Variants in BICC1 observed in about 807,000 individuals in gnomAD.
The protein encoded by BICC1 is BicC family RNA binding protein 1, also known as protein bicaudal C homolog 1.
BICC1 carries 43 observed loss-of-function variants against 111.0 expected under a neutral mutation model. The observed-to-expected ratio is 0.39, with a 90% CI of 0.30 to 0.50. The LOEUF (loss-of-function observed/expected upper bound fraction) is 0.50, where lower values mean the gene tolerates loss of function less well. Among genes scored for constraint, BICC1 ranks in the 20% least tolerant of loss-of-function variants. The pLI, the probability that BICC1 is intolerant of heterozygous loss-of-function variation, is 0.88. For missense variants in BICC1, 1,091 were observed against 1,203.2 expected, an observed-to-expected ratio of 0.91 and a Z score of 1.38; for synonymous variants, 467 against 434.4, an observed-to-expected ratio of 1.07 and a Z score of -0.93.
intron 1 of BICC1, among the ~76,000 whole-genome samples, chr10:58,524,146 A>C (rs7393810): frequency 6.6e-6 from 1 of 151,816 alleles, no homozygotes; most frequent in Non-Finnish European, 1.5e-5. Flanking sequence ...TATAGATTCA[A>C]TGCCATCCCC....
intron 2 of BICC1, among the ~76,000 whole-genome samples, chr10:58,696,987 A>T (rs1000837686): frequency 1.3e-5 from 2 of 152,112 alleles, no homozygotes; most frequent in Non-Finnish European, 2.9e-5. Context: ...ATAACTTGGC[A>T]TTCTCTAATT....
At chr10:58,606,279 A>G (rs1425687698) in intron 1 of BICC1, among the ~76,000 whole-genome samples, 1 of 152,092 alleles carries the variant, frequency 6.6e-6, no homozygotes, top group Non-Finnish European at 1.5e-5. Context: ...CCCTACTAAT[A>G]TATGGAATCC....
intron 2 of BICC1, among the ~76,000 whole-genome samples, chr10:58,684,722 T>A (rs1839656204): frequency 6.6e-6 from 1 of 152,198 alleles, no homozygotes; most frequent in African/African-American, 2.4e-5. Flanking sequence ...GGTGGTGATA[T>A]CCCCTTTATC....
At chr10:58,606,819 C>T (rs1460517670) in intron 1 of BICC1, among the ~76,000 whole-genome samples, 3 of 152,138 alleles carry the variant, frequency 2.0e-5, no homozygotes, top group South Asian at 2.1e-4. Context: ...TGGTTCTGGA[C>T]ATTTTCTAGT....
At chr10:58,664,175 C>G (rs564617237) in intron 2 of BICC1, among the ~76,000 whole-genome samples, 8 of 152,256 alleles carry the variant, frequency 5.3e-5, no homozygotes, top group Admixed American at 1.3e-4. Context: ...TTCAAATTCC[C>G]ACCAGCAATA....
chr10:58,540,012 A>G (rs1342897067), intron 1 of BICC1, among the ~76,000 whole-genome samples: 1 of 152,028 alleles, frequency 6.6e-6, no homozygotes, highest in African/African-American at 2.4e-5. Flanking sequence ...ATTAAACAAC[A>G]CACTCTTGAA....
chr10:58,770,514 TTA>T, intron 3 of BICC1, among the ~76,000 whole-genome samples: 1 of 152,248 alleles, frequency 6.6e-6, no homozygotes, highest in African/African-American at 2.4e-5. Flanking sequence ...AGAATAAGAA[TTA>T]TATGTTTGGA....
At chr10:58,789,114 A>G in intron 6 of BICC1, 148 bp from the exon 7 acceptor site, 1 of 633,946 alleles carries the variant, frequency 1.6e-6, no homozygotes, top group Non-Finnish European at 2.5e-6. Flanking sequence ...GAAAAAAAAA[A>G]ACTTTATATA....
intron 17 of BICC1, among the ~76,000 whole-genome samples, 153 bp downstream of exon 17, chr10:58,807,311 A>T (rs538415732): frequency 1.3e-5 from 2 of 152,244 alleles, no homozygotes; most frequent in South Asian, 4.2e-4. Flanking sequence ...CTGTTATAAA[A>T]CTGATGCACT....
At chr10:58,574,434 A>G (rs747057610) in intron 1 of BICC1, among the ~76,000 whole-genome samples, 1 of 152,154 alleles carries the variant, frequency 6.6e-6, no homozygotes, top group Non-Finnish European at 1.5e-5. Context: ...TACCAAATGC[A>G]GTGTGATAAA....
chr10:58,606,696 G>A (rs1354512711), intron 1 of BICC1, among the ~76,000 whole-genome samples: 1 of 152,038 alleles, frequency 6.6e-6, no homozygotes, highest in Non-Finnish European at 1.5e-5. Context: ...CTCTCTGGAA[G>A]GTTTTAAGAT....
intron 1 of BICC1, among the ~76,000 whole-genome samples, chr10:58,546,295 A>G (rs1208609479): frequency 2.0e-5 from 3 of 152,052 alleles, no homozygotes; most frequent in East Asian, 3.9e-4. Flanking sequence ...GGCAAACTAG[A>G]CAGATAGCTA....
chr10:58,694,755 C>T (rs1054793676), intron 2 of BICC1, among the ~76,000 whole-genome samples: 7 of 152,054 alleles, frequency 4.6e-5, no homozygotes, highest in African/African-American at 1.7e-4. Flanking sequence ...GTTTGGGAAC[C>T]ATTTGGGGGC....
intron 2 of BICC1, among the ~76,000 whole-genome samples, chr10:58,661,727 G>T (rs1388181698): frequency 6.6e-6 from 1 of 152,144 alleles, no homozygotes; most frequent in African/African-American, 2.4e-5. Context: ...AGTGGAAATA[G>T]CTGAAGTCAT....
intron 1 of BICC1, among the ~76,000 whole-genome samples, chr10:58,613,221 T>C (rs1249059290): frequency 6.6e-6 from 1 of 152,188 alleles, no homozygotes; most frequent in Non-Finnish European, 1.5e-5. Context: ...AGACAATTGC[T>C]TTCATTGGCA....
At chr10:58,764,759 CAT>C (rs1309482108) in intron 3 of BICC1, among the ~76,000 whole-genome samples, 2 of 148,510 alleles carry the variant, frequency 1.3e-5, no homozygotes, top group Non-Finnish European at 3.0e-5. Flanking sequence ...GTGATAAAAA[CAT>C]AAGATCAGTG....
chr10:58,707,291 C>A (rs559966787), intron 3 of BICC1, among the ~76,000 whole-genome samples: 10 of 152,146 alleles, frequency 6.6e-5, no homozygotes, highest in Admixed American at 1.3e-4. Context: ...TATGCTTACA[C>A]TTTTATTGGG....
intron 1 of BICC1, among the ~76,000 whole-genome samples, chr10:58,549,683 G>GT (rs1843241678): frequency 1.4e-5 from 2 of 141,054 alleles, no homozygotes; most frequent in African/African-American, 2.6e-5. Context: ...TTGTTTGTTT[G>GT]TTTTTTTCTT....
Position 58,513,331 on chromosome 10 carries a change from A to G in BICC1, c.188A>G (p.Gln63Arg), listed in dbSNP as rs2132482200. ...AGGAAGAAACTTGAGGCCATGTTAC[A>G]AGGTAGGCATCCCTCGTGTTCTCGG... Reference protein sequence around the residue: ...VDRKKLEAMLQAAAEGKGRSG... With the variant: ...VDRKKLEAMLRAAAEGKGRSG... Residue 63 changes from glutamine to arginine, a missense_variant and splice_region_variant, in exon 1 of 21, where the codon CAA (glutamine) becomes CGA (arginine). Gln to Arg is a conservative substitution (Grantham distance 43). Around this residue, in one of 3 missense-constraint regions of BICC1, gnomAD observed 843 missense variants for 900.8 expected, o/e 0.94. Coordinates refer to ENST00000373886, the MANE Select transcript of BICC1 (RefSeq NM_001080512.3). 6.2e-7 allele frequency: 1 copy of G among 1,604,292 alleles called. No individual in the cohort carries two copies. Among genetic ancestry groups the G allele is most frequent in the East Asian group, 2.3e-5 (1 of 44,180 alleles).
Sources: gnomAD v4.1 joint callset for allele counts (sites outside exome capture counted in the v4.1 genomes callset) on GRCh38, gnomAD v4.1.1 for gene constraint, gnomAD v4.1.1 regional missense constraint, MANE v1.5 for transcripts, NCBI Gene and HGNC (gene_info 2026-07-23, HGNC 2026-07-21) for gene names.